Variants in NCOA1 observed in about 807,000 individuals in gnomAD.
NCOA1 encodes the protein nuclear receptor coactivator 1.
NCOA1 carries 35 observed loss-of-function variants against 150.9 expected under a neutral mutation model. The observed-to-expected ratio is 0.23, with a 90% CI of 0.18 to 0.31. The LOEUF is 0.31. Ranked by LOEUF, NCOA1 falls within the 10% of genes least tolerant of loss-of-function variation. NCOA1 has a pLI of 1.00. For missense variants in NCOA1, 1,491 were observed against 1,749.3 expected, an observed-to-expected ratio of 0.85 and a Z score of 2.63; for synonymous variants, 590 against 630.0, an observed-to-expected ratio of 0.94 and a Z score of 0.95.
At position 24,586,251 on chromosome 2, in the gene NCOA1, G is replaced by A. The variant is rs1667401957; in HGVS notation, c.-175+1691G>A. 2.1e-5 allele frequency among the ~76,000 whole-genome samples: 3 copies of A among 139,682 alleles called. No homozygotes were observed. In the South Asian group the frequency reaches 7.0e-4, roughly 32 times the overall value. 91.6% of individuals were successfully genotyped at this position (139,682 alleles called of 152,430 possible). ...ATATCGTGCCACTGCACTTCAGCCTGGGCGACAGAGCAAGACTCGGTCTCA... is the reference window on the plus strand; with the variant it reads ...ATATCGTGCCACTGCACTTCAGCCTAGGCGACAGAGCAAGACTCGGTCTCA... On this transcript the variant is annotated intron_variant, in intron 3 of 22. Coordinates refer to ENST00000348332, the MANE Select transcript of NCOA1 (RefSeq NM_003743.5).
Position 24,566,764 on chromosome 2 carries a change from C to T in NCOA1, c.-260+2334C>T, listed in dbSNP as rs552168706. Among the ~76,000 whole-genome samples, 35 of 152,376 alleles carry T rather than the reference C, an allele frequency of 2.3e-4. No homozygotes were observed. The South Asian group carries it at 2.9e-3, about 13-fold the overall frequency. On this transcript the variant is annotated intron_variant, in intron 2 of 22. Transcript: ENST00000348332. ...GAGTCTCTCCTTGTCCTCTCTCACC[C>T]GTGCTCGTTGGCACCCACCCAGCTG...
At chr2:24,761,440 G>A (rs554234118) in intron 21 of NCOA1, among the ~76,000 whole-genome samples, 1 of 152,124 alleles carries the variant, frequency 6.6e-6, no homozygotes, top group Non-Finnish European at 1.5e-5. Flanking sequence ...TTCATATCTA[G>A]CAGTCATATT....
At chr2:24,593,555 T>G (rs1170103746) in intron 3 of NCOA1, among the ~76,000 whole-genome samples, 2 of 152,206 alleles carry the variant, frequency 1.3e-5, no homozygotes, top group Non-Finnish European at 2.9e-5. Flanking sequence ...GTCCATACTC[T>G]CACATGGTTT....
At chr2:24,519,964 CAG>C (rs1388635125) in intron 1 of NCOA1, among the ~76,000 whole-genome samples, 9 of 152,222 alleles carry the variant, frequency 5.9e-5, no homozygotes, top group African/African-American at 2.2e-4. Flanking sequence ...AGTACCTGTA[CAG>C]AGAGTTTACT....
intron 5 of NCOA1, among the ~76,000 whole-genome samples, chr2:24,664,179 G>C (rs1671309093): frequency 6.6e-6 from 1 of 152,090 alleles, no homozygotes; most frequent in South Asian, 2.1e-4. Context: ...AAAATATCTT[G>C]CTGCATTTTC....
intron 1 of NCOA1, among the ~76,000 whole-genome samples, chr2:24,558,343 C>G (rs1438354310): frequency 1.3e-5 from 2 of 152,052 alleles, no homozygotes; most frequent in Non-Finnish European, 2.9e-5. Context: ...AAAGACATAC[C>G]CGAGACTGGG....
intron 7 of NCOA1, among the ~76,000 whole-genome samples, chr2:24,678,199 C>A (rs994287460): frequency 6.6e-6 from 1 of 152,150 alleles, no homozygotes; most frequent in Non-Finnish European, 1.5e-5. Flanking sequence ...CATCCATGTC[C>A]CTGCAAAGGA....
intron 1 of NCOA1, chr2:24,555,976 C>A (rs1365009135): frequency 3.9e-5 from 6 of 152,002 alleles, no homozygotes; most frequent in Non-Finnish European, 5.9e-5. Context: ...GAATTTTGGG[C>A]CTTTTTTGTT....
chr2:24,713,278 A>C (rs1241839161), intron 14 of NCOA1, among the ~76,000 whole-genome samples: 5 of 151,760 alleles, frequency 3.3e-5, no homozygotes, highest in African/African-American at 1.2e-4. Context: ...AATTTAATTT[A>C]AAAAAATAAA....
intron 1 of NCOA1, among the ~76,000 whole-genome samples, chr2:24,536,222 T>G (rs774214751): frequency 1.3e-5 from 2 of 152,206 alleles, no homozygotes; most frequent in Non-Finnish European, 2.9e-5. Flanking sequence ...ACTGATATCC[T>G]TTTTTCCACT....
chr2:24,574,586 T>G (rs1398621299), intron 2 of NCOA1, among the ~76,000 whole-genome samples: 24 of 152,126 alleles, frequency 1.6e-4, no homozygotes, highest in Admixed American at 1.5e-3. Flanking sequence ...TTATATTTAT[T>G]AACGTATTTA....
intron 2 of NCOA1, among the ~76,000 whole-genome samples, chr2:24,571,381 T>A (rs1393499491): frequency 1.3e-5 from 2 of 152,176 alleles, no homozygotes; most frequent in Non-Finnish European, 2.9e-5. Flanking sequence ...ATATAGAAAA[T>A]CCTATTGCCT....
At chr2:24,529,859 A>T (rs1425620596) in intron 1 of NCOA1, among the ~76,000 whole-genome samples, 1 of 152,234 alleles carries the variant, frequency 6.6e-6, no homozygotes, top group South Asian at 2.1e-4. Context: ...TAGCATAATG[A>T]TATAACCTAA....
chr2:24,569,654 A>G (rs1352938198), intron 2 of NCOA1, among the ~76,000 whole-genome samples: 1 of 144,874 alleles, frequency 6.9e-6, no homozygotes, highest in African/African-American at 2.5e-5. Context: ...AGTGGATCAC[A>G]AGGTCAGGAG....
At chr2:24,742,886 G>A (rs1663682934) in intron 19 of NCOA1, among the ~76,000 whole-genome samples, 1 of 152,164 alleles carries the variant, frequency 6.6e-6, no homozygotes, top group African/African-American at 2.4e-5. Context: ...TCTCCACAGA[G>A]TATCTCAGAC....
intron 21 of NCOA1, 148 bp downstream of exon 21, chr2:24,758,304 T>C (rs948255517): frequency 7.9e-6 from 5 of 629,458 alleles, no homozygotes; most frequent in Middle Eastern, 5.1e-4. Context: ...TCTTAAGATA[T>C]ACAATGAAAA....
At chr2:24,510,495 A>G (rs1663890812) in intron 1 of NCOA1, among the ~76,000 whole-genome samples, 1 of 151,940 alleles carries the variant, frequency 6.6e-6, no homozygotes, top group Admixed American at 6.6e-5. Flanking sequence ...GGCATGCACT[A>G]CCTGGCCTAG....
chr2:24,707,409 C>A lies in NCOA1; in HGVS notation c.1939C>A (p.His647Asn), dbSNP rs1471990994. The A allele has an allele frequency of 5.6e-6, 9 of 1,614,198 alleles. No homozygotes were observed. Among genetic ancestry groups the A allele is most frequent in the Non-Finnish European group, 7.6e-6 (9 of 1,180,048 alleles). ...AACAACTGCCGAACAGCAGTTACGGCATGCTGATATAGACACAAGCTGCAA... is the reference window on the plus strand; with the variant it reads ...AACAACTGCCGAACAGCAGTTACGGAATGCTGATATAGACACAAGCTGCAA... ...LTTTAEQQLR[H>N]ADIDTSCKDV... Residue 647 changes from histidine (H) to asparagine (N), a missense_variant, in exon 13 of 23, where the codon CAT (histidine) becomes AAT (asparagine). Physicochemically the swap from His to Asn is moderately conservative, Grantham distance 68. Around this residue, in one of 8 missense-constraint regions of NCOA1, gnomAD observed 703 missense variants for 717.7 expected, o/e 0.98. Transcript: ENST00000348332.
chr2:24,752,878 CTT>C (rs754116057), intron 20 of NCOA1, among the ~76,000 whole-genome samples: 1 of 143,634 alleles, frequency 7.0e-6, no homozygotes, highest in Admixed American at 7.0e-5. Context: ...TCACTAAAGC[CTT>C]TTTTTTTTTT....
Sources: allele counts gnomAD v4.1 joint callset (sites outside exome capture counted in the v4.1 genomes callset), GRCh38; gene constraint gnomAD v4.1.1; regional missense constraint gnomAD v4.1.1; transcripts MANE v1.5; gene names NCBI Gene and HGNC (gene_info 2026-07-23, HGNC 2026-07-21).